Variants in WNT9B observed in about 807,000 individuals in gnomAD.
WNT9B encodes Wnt family member 9B, also known as protein Wnt-9b.
In WNT9B, 12 loss-of-function variants were observed where a neutral mutation model predicts 30.2. The ratio of observed to expected loss-of-function variants is 0.40; its 90% CI spans 0.26 to 0.64. WNT9B has a LOEUF of 0.64. Ranked by LOEUF, WNT9B falls within the 30% of genes least tolerant of loss-of-function variation. The pLI, the probability that WNT9B is intolerant of heterozygous loss-of-function variation, is 0.42. For missense variants in WNT9B, 442 were observed against 485.2 expected, an observed-to-expected ratio of 0.91 and a Z score of 0.84; for synonymous variants, 218 against 216.9, an observed-to-expected ratio of 1.01 and a Z score of -0.05.
downstream of WNT9B, among the ~76,000 whole-genome samples, chr17:46,882,117 C>G (rs1283404896): frequency 4.6e-5 from 7 of 152,172 alleles, no homozygotes; most frequent in African/African-American, 1.7e-4. Context: ...GATTGCACCA[C>G]TGCCTTCCAG....
chr17:46,883,126 C>T (rs1444549387), downstream of WNT9B, among the ~76,000 whole-genome samples: 1 of 151,830 alleles, frequency 6.6e-6, no homozygotes, highest in Non-Finnish European at 1.5e-5. Context: ...CTCCAGGTGC[C>T]CGCCACCACG....
At chr17:46,856,612 T>C (rs1345051395) in intron 1 of WNT9B, among the ~76,000 whole-genome samples, 1 of 151,750 alleles carries the variant, frequency 6.6e-6, no homozygotes, top group Non-Finnish European at 1.5e-5. Context: ...GCCTCTCAAG[T>C]AGATGGGATG....
chr17:46,845,100 C>T (rs8072088), intron 1 of WNT9B, among the ~76,000 whole-genome samples: 29,860 of 152,192 alleles, frequency 0.2, 3,601 homozygotes, highest in East Asian at 0.5. Context: ...CCACTCGCCT[C>T]GGCCTCCCAA....
At chr17:46,864,536 C>T (rs2085099966) in intron 1 of WNT9B, among the ~76,000 whole-genome samples, 1 of 152,192 alleles carries the variant, frequency 6.6e-6, no homozygotes, top group Non-Finnish European at 1.5e-5. Context: ...AGCCTTTAAA[C>T]AGAGGGTCTT....
chr17:46,876,131 T>G, intron 3 of WNT9B, 114 bp from the exon 4 acceptor site: 1 of 1,009,124 alleles, frequency 9.9e-7, no homozygotes. Context: ...GCTGAGACCC[T>G]GGGTCTCTTT....
rs926130263 is a variant in WNT9B at position 46,877,958 on chromosome 17, C to T, written c.*1240C>T. ...GGAGACGTGACTTTGATAATTTCCT[C>T]AGATCCTGTGGACATTTTCAGCAGC... On this transcript the variant is annotated 3_prime_UTR_variant, in exon 4 of 4. Transcript: ENST00000290015. Among the ~76,000 whole-genome samples the T allele has an allele frequency of 1.3e-5, 2 of 152,216 alleles. No homozygotes were observed. The highest frequency in any genetic ancestry group is 4.8e-5 in the African/African-American group (2 of 41,448).
intron 1 of WNT9B, among the ~76,000 whole-genome samples, chr17:46,866,165 G>A (rs1370814003): frequency 1.3e-5 from 2 of 152,066 alleles, no homozygotes; most frequent in African/African-American, 4.8e-5. Flanking sequence ...GGAAATCTGG[G>A]GCCTCCCAGT....
At chr17:46,841,736 G>T (rs909947179) in intron 1 of WNT9B, among the ~76,000 whole-genome samples, 1 of 152,242 alleles carries the variant, frequency 6.6e-6, no homozygotes, top group African/African-American at 2.4e-5. Flanking sequence ...GAAGGCAGAG[G>T]AGATGGAGGT....
chr17:46,850,107 C>T (rs902597937), upstream of WNT9B, among the ~76,000 whole-genome samples: 4 of 152,240 alleles, frequency 2.6e-5, no homozygotes, highest in African/African-American at 9.6e-5. Flanking sequence ...ACCTCGGCCT[C>T]CCAAAGTGCT....
intron 3 of WNT9B, 45 bp downstream of exon 3, chr17:46,875,411 C>T: frequency 6.5e-7 from 1 of 1,540,606 alleles, no homozygotes; most frequent in East Asian, 2.3e-5. Flanking sequence ...CACCAGGGTA[C>T]ACAGCTGGGG....
chr17:46,847,967 AGTGTGTGTGTGTGTGT>A (rs57125736), upstream of WNT9B, among the ~76,000 whole-genome samples: 3 of 149,584 alleles, frequency 2.0e-5, no homozygotes, highest in East Asian at 2.0e-4. Flanking sequence ...TGATTTCCAA[AGTGTGTGTGTGTGTGT>A]GTGTGTGTGT....
At chr17:46,841,114 A>G (rs1274694495) in intron 1 of WNT9B, among the ~76,000 whole-genome samples, 1 of 152,196 alleles carries the variant, frequency 6.6e-6, no homozygotes, top group African/African-American at 2.4e-5. Flanking sequence ...GCCGACAGAC[A>G]AGGCTCCTTG....
At chr17:46,873,588 G>A (rs1385783769) in intron 2 of WNT9B, among the ~76,000 whole-genome samples, 1 of 152,228 alleles carries the variant, frequency 6.6e-6, no homozygotes, top group African/African-American at 2.4e-5. Flanking sequence ...CCTGGGCGCA[G>A]TGGCTTGTGC....
rs1191535529 is a variant in WNT9B, at chr17:46,879,749, C to A, written c.*3031C>A. On this transcript the variant is annotated 3_prime_UTR_variant, in exon 4 of 4. Transcript: ENST00000290015. ...GCCCAGGAGCCCCAAAGCCTGGATACCACTGTGAGCCCAAGAACTCAGGGA... is the reference window on the plus strand; with the variant it reads ...GCCCAGGAGCCCCAAAGCCTGGATAACACTGTGAGCCCAAGAACTCAGGGA... Among the ~76,000 whole-genome samples, 1 of 152,254 alleles carries A rather than the reference C, an allele frequency of 6.6e-6. No homozygotes were observed. The highest frequency in any genetic ancestry group is 1.5e-5 in the Non-Finnish European group (1 of 68,042).
intron 1 of WNT9B, among the ~76,000 whole-genome samples, chr17:46,864,130 A>C (rs1487165681): frequency 1.3e-5 from 2 of 152,202 alleles, no homozygotes; most frequent in East Asian, 3.9e-4. Flanking sequence ...GCGTGGGAAG[A>C]GGGTGATCGG....
At chr17:46,848,170 A>G (rs1334019044), upstream of WNT9B, among the ~76,000 whole-genome samples, 2 of 151,972 alleles carry the variant, frequency 1.3e-5, no homozygotes, top group Non-Finnish European at 2.9e-5. Flanking sequence ...GAATGTAGAC[A>G]CCCATGGGGG....
chr17:46,872,556 G>C lies in WNT9B; in HGVS notation c.117G>C (p.Leu39Phe). 6.3e-7 allele frequency: 1 copy of C among 1,583,950 alleles called. No homozygotes were observed. The highest frequency in any genetic ancestry group is 8.6e-7 in the Non-Finnish European group (1 of 1,163,018). The change falls in exon 2 of 4, where the codon TTG (leucine) becomes TTC (phenylalanine). Residue 39 changes from leucine (L) to phenylalanine (F), a missense_variant. Coordinates refer to ENST00000290015, the MANE Select transcript of WNT9B (RefSeq NM_003396.3). ...GREVLTPFPGLGTAAAPAQGG... is the reference protein window; with the variant it reads ...GREVLTPFPGFGTAAAPAQGG... The stretch of plus-strand genomic sequence containing the variant: ...AAGTCCTGACGCCCTTCCCAGGATT[G>C]GGCACTGCGGCAGCCCCGGCACAGG...
At chr17:46,862,372 C>A (rs2085055609) in intron 1 of WNT9B, among the ~76,000 whole-genome samples, 1 of 152,126 alleles carries the variant, frequency 6.6e-6, no homozygotes, top group Non-Finnish European at 1.5e-5. Flanking sequence ...TGCAGGTAGA[C>A]ATCTACAGGT....
chr17:46,850,061 G>T (rs1387231800), upstream of WNT9B, among the ~76,000 whole-genome samples: 2 of 152,120 alleles, frequency 1.3e-5, no homozygotes, highest in South Asian at 2.1e-4. Flanking sequence ...TGTTGGCCAG[G>T]CTGGTCTCGA....
Sources: allele counts gnomAD v4.1 joint callset (sites outside exome capture counted in the v4.1 genomes callset), GRCh38; gene constraint gnomAD v4.1.1; transcripts MANE v1.5; gene names NCBI Gene and HGNC (gene_info 2026-07-23, HGNC 2026-07-21).